The following TFEB variants were observed in gnomAD, a reference collection of about 807,000 sequenced individuals.
TFEB encodes the protein transcription factor EB.
Under a neutral mutation model 48.0 loss-of-function variants are expected in TFEB, and 12 were observed. That is an observed-to-expected ratio of 0.25 (90% CI 0.16 to 0.40). The LOEUF is 0.40. TFEB is among the 10% of genes least tolerant of loss of function. The probability of loss-of-function intolerance (pLI) is 1.00; values close to 1 mark genes in which losing one functional copy is unlikely to be tolerated. For synonymous variants in TFEB, 244 were observed against 261.4 expected (o/e 0.93, Z 0.64); for missense variants, 509 against 640.3 (o/e 0.79, Z 2.21).
At chr6:41,688,253 G>A (rs760017367) in intron 4 of TFEB, 1 of 511,336 alleles carries the variant, frequency 2.0e-6, no homozygotes, top group Admixed American at 3.3e-5. Context: ...GAGTGTCTGA[G>A]AGAGTGATCC....
Position 41,687,948 on chromosome 6 carries a change from G to A in TFEB, c.630C>T (p.Ser210=), listed in dbSNP as rs1261713253. The change falls in exon 5 of 9, where the codon AGC becomes AGT. Residue 210 remains serine (S), a synonymous_variant. Coordinates refer to ENST00000373033, the MANE Select transcript of TFEB (RefSeq NM_001271944.2). ...VTASLVGVTS[S]SCPADLTQKR... is the part of the protein sequence containing the mutation. ...TCTGGGTCAGGTCCGCAGGGCAGGAGCTGCTGGTGACGCCCACCAGGGAGG... is the reference window on the plus strand; with the variant it reads ...TCTGGGTCAGGTCCGCAGGGCAGGAACTGCTGGTGACGCCCACCAGGGAGG... The A allele has an allele frequency of 6.2e-7, 1 of 1,614,114 alleles. No individual in the cohort carries two copies.
At chr6:41,695,915 C>T (rs1024193270) in intron 1 of TFEB, among the ~76,000 whole-genome samples, 1 of 152,200 alleles carries the variant, frequency 6.6e-6, no homozygotes, top group Non-Finnish European at 1.5e-5. Context: ...GGGAAGGAAT[C>T]CCCCCAGCTC....
rs1466426519 is a variant in TFEB, at chr6:41,732,560, C to A, written c.-23+2790G>T. On this transcript the variant is annotated intron_variant, in intron 1 of 8. Transcript: ENST00000373033. Reference sequence around the variant, plus strand: ...CACACATGCACAGTTCATCTCTACCCACATTCCTAGACACTTTAACCACAC... The same window carrying A: ...CACACATGCACAGTTCATCTCTACCAACATTCCTAGACACTTTAACCACAC... 1.2e-5 allele frequency: 12 copies of A among 985,638 alleles called. No homozygotes were observed. The South Asian group carries it at 5.2e-4, about 42-fold the overall frequency. The allele number at this position is 985,638 out of a possible 1,614,324, so 61.1% of individuals were successfully genotyped here.
chr6:41,714,513 A>G (rs1770645570), intron 1 of TFEB, among the ~76,000 whole-genome samples: 1 of 152,158 alleles, frequency 6.6e-6, no homozygotes, highest in African/African-American at 2.4e-5. Flanking sequence ...GGCGAGGGAA[A>G]ATTCATCACC....
At chr6:41,689,897 G>GC in intron 3 of TFEB, 86 bp from the exon 4 acceptor site, 1 of 1,042,024 alleles carries the variant, frequency 9.6e-7, no homozygotes, top group South Asian at 1.3e-5. Context: ...TGACCTGGAG[G>GC]GACCTTGGAG....
intron 1 of TFEB, among the ~76,000 whole-genome samples, chr6:41,718,405 G>T (rs1770830281): frequency 6.6e-6 from 1 of 151,814 alleles, no homozygotes. Context: ...GTAGTAACAG[G>T]TTTCACCATG....
chr6:41,684,399 A>G lies in TFEB; in HGVS notation c.*200T>C. 1 of 535,304 alleles carries G rather than the reference A, an allele frequency of 1.9e-6. No individual in the cohort carries two copies. Among genetic ancestry groups the G allele is most frequent in the Non-Finnish European group, 3.0e-6 (1 of 336,450 alleles). The allele number at this position is 535,304 out of a possible 1,614,324, so 33.2% of individuals were successfully genotyped here. On this transcript the variant is annotated 3_prime_UTR_variant, in exon 9 of 9. Coordinates refer to ENST00000373033, the MANE Select transcript of TFEB (RefSeq NM_001271944.2). ...GCCTCTTCCCACTGCGCCAGTCAAG[A>G]GGGCTGCCCTGGGGGTGCTTCTCCT...
intron 1 of TFEB, chr6:41,733,199 G>T: frequency 3.2e-6 from 1 of 311,590 alleles, no homozygotes; most frequent in Non-Finnish European, 4.7e-6. Flanking sequence ...AACAGGCTGA[G>T]GAGGCCTGTG....
chr6:41,688,259 G>T (rs1769120097), intron 4 of TFEB: 3 of 496,880 alleles, frequency 6.0e-6, no homozygotes, highest in Non-Finnish European at 1.1e-5. Flanking sequence ...CTGAGAGAGT[G>T]ATCCAACCAA....
chr6:41,701,088 G>A (rs1422275086), intron 1 of TFEB, among the ~76,000 whole-genome samples: 1 of 152,246 alleles, frequency 6.6e-6, no homozygotes, highest in East Asian at 1.9e-4. Flanking sequence ...CCATGTGGAC[G>A]CTCTGTCTCT....
At chr6:41,700,573 AC>A (rs1458970935) in intron 1 of TFEB, among the ~76,000 whole-genome samples, 2 of 152,028 alleles carry the variant, frequency 1.3e-5, no homozygotes, top group African/African-American at 2.4e-5. Context: ...GCAGAGCAAG[AC>A]CCCAGGATGC....
chr6:41,715,224 G>C (rs938639755), intron 1 of TFEB, among the ~76,000 whole-genome samples: 1 of 152,168 alleles, frequency 6.6e-6, no homozygotes, highest in South Asian at 2.1e-4. Flanking sequence ...GGAGGAAGCA[G>C]GGAGTATGTG....
chr6:41,729,679 G>A (rs1293402121), intron 1 of TFEB, among the ~76,000 whole-genome samples: 1 of 152,252 alleles, frequency 6.6e-6, no homozygotes, highest in Admixed American at 6.5e-5. Context: ...GTCCCAGAGA[G>A]TGGGACCAAG....
At chr6:41,686,400 C>T (rs1769005762) in intron 7 of TFEB, 163 bp from the exon 8 acceptor site, 2 of 773,702 alleles carry the variant, frequency 2.6e-6, no homozygotes, top group South Asian at 2.0e-5. Context: ...AGAATGGGCC[C>T]TCCTGGTGAC....
rs979102529 is a variant in TFEB, at chr6:41,734,808, C to G, written c.-23+542G>C. The G allele has an allele frequency of 3.6e-6, 3 of 831,762 alleles. No individual in the cohort carries two copies. The highest frequency in any genetic ancestry group is 4.4e-6 in the Non-Finnish European group (3 of 689,532). The allele number at this position is 831,762 out of a possible 1,614,324, so 51.5% of individuals were successfully genotyped here. A position where few individuals can be genotyped will look rare whatever the true frequency, so the allele number is the denominator to read the frequency against. On this transcript the variant is annotated intron_variant, in intron 1 of 8. Coordinates refer to ENST00000373033, the MANE Select transcript of TFEB (RefSeq NM_001271944.2). This position sits in a 1 kb window ranked among gnomAD's most constrained non-coding sequence, Gnocchi z 4.0. ...GAGATGGTACTTCCACCCGCCCCCC[C>G]ATCAGCCCAGCCCCCGGGGCGTGGC...
intron 1 of TFEB, among the ~76,000 whole-genome samples, chr6:41,700,362 A>T: frequency 6.6e-6 from 1 of 150,898 alleles, no homozygotes; most frequent in Non-Finnish European, 1.5e-5. Flanking sequence ...GCTACTCAAG[A>T]GGCTGAGGCA....
At chr6:41,713,592 G>T (rs11969692) in intron 1 of TFEB, among the ~76,000 whole-genome samples, 1 of 151,756 alleles carries the variant, frequency 6.6e-6, no homozygotes, top group African/African-American at 2.4e-5. Context: ...GGAGAAACGC[G>T]GTCTGAGGCG....
Position 41,691,094 on chromosome 6 carries a change from C to G in TFEB, c.120G>C (p.Gln40His), listed in dbSNP as rs150746914. ...VMHYMQQQQQ[Q>H]QQQQLGGPPT... is the part of the protein sequence containing the mutation. ...GCGGCCCTCCGAGCTGCTGCTGTTGCTGCTGCTGCTGCTGCTGCATGTAAT... is the reference window on the plus strand; with the variant it reads ...GCGGCCCTCCGAGCTGCTGCTGTTGGTGCTGCTGCTGCTGCTGCATGTAAT... The change falls in exon 2 of 9, where the codon CAG becomes CAC. Residue 40 changes from glutamine (Q) to histidine (H), a missense_variant. By Grantham distance (24) the Gln-to-His change is conservative (BLOSUM62 0). Around this residue, in one of 4 missense-constraint regions of TFEB, gnomAD observed 251 missense variants for 317.2 expected, o/e 0.79. Coordinates refer to ENST00000373033, the MANE Select transcript of TFEB (RefSeq NM_001271944.2). The surrounding 1 kb of genome is among the most constrained non-coding windows in gnomAD (Gnocchi z 5.2). 1,504 of 1,560,100 alleles carry G rather than the reference C, an allele frequency of 9.6e-4. 9 individuals carry two copies. The African/African-American group carries it at 0.018, about 18-fold the overall frequency.
intron 4 of TFEB, among the ~76,000 whole-genome samples, chr6:41,689,242 G>A (rs1561850168): frequency 6.6e-6 from 1 of 152,158 alleles, no homozygotes; most frequent in Non-Finnish European, 1.5e-5. Flanking sequence ...CAGAGGGAGT[G>A]TTCCTGTGGT....
Sources: allele counts gnomAD v4.1 joint callset (sites outside exome capture counted in the v4.1 genomes callset), GRCh38; gene constraint gnomAD v4.1.1; regional missense constraint gnomAD v4.1.1; non-coding constraint Gnocchi (gnomAD v3.1); transcripts MANE v1.5; gene names NCBI Gene and HGNC (gene_info 2026-07-23, HGNC 2026-07-21).